CACNA2D3: variants seen among roughly 807,000 people sequenced by gnomAD.
CACNA2D3 encodes the protein calcium voltage-gated channel auxiliary subunit alpha2delta 3, also known as voltage-dependent calcium channel subunit alpha-2/delta-3.
In CACNA2D3, 60 loss-of-function variants were observed where a neutral mutation model predicts 160.6. The observed-to-expected ratio is 0.37, with a 90% CI of 0.30 to 0.46. CACNA2D3 has a LOEUF of 0.46. Among genes scored for constraint, CACNA2D3 ranks in the 20% least tolerant of loss-of-function variants. The probability of loss-of-function intolerance (pLI) is 1.00; values close to 1 mark genes in which losing one functional copy is unlikely to be tolerated. For synonymous variants in CACNA2D3, 558 were observed against 492.9 expected (o/e 1.13, Z -1.75); for missense variants, 1,205 against 1,365.0 (o/e 0.88, Z 1.85).
intron 4 of CACNA2D3, among the ~76,000 whole-genome samples, chr3:54,400,461 C>T (rs1485849168): frequency 1.3e-5 from 2 of 152,108 alleles, no homozygotes; most frequent in African/African-American, 2.4e-5. Context: ...AGGGCTGTGT[C>T]AGACCTGACA....
At chr3:54,367,368 T>A (rs1698844235) in intron 3 of CACNA2D3, among the ~76,000 whole-genome samples, 1 of 152,194 alleles carries the variant, frequency 6.6e-6, no homozygotes, top group African/African-American at 2.4e-5. Flanking sequence ...CCTCTGGCCA[T>A]CGGCACTTAA....
At chr3:54,613,573 T>G (rs1207848713) in intron 9 of CACNA2D3, among the ~76,000 whole-genome samples, 1 of 152,212 alleles carries the variant, frequency 6.6e-6, no homozygotes, top group Non-Finnish European at 1.5e-5. Context: ...TCCCATATTA[T>G]GAACCTACAG....
intron 17 of CACNA2D3, among the ~76,000 whole-genome samples, chr3:54,862,400 C>CACACACACACACACAG (rs1699311424): frequency 6.6e-6 from 1 of 151,764 alleles, no homozygotes; most frequent in African/African-American, 2.4e-5. Context: ...CACACACACA[C>CACACACACACACACAG]ACACGCACAC....
intron 2 of CACNA2D3, among the ~76,000 whole-genome samples, chr3:54,158,581 G>C (rs1257954468): frequency 6.6e-6 from 1 of 152,204 alleles, no homozygotes; most frequent in Non-Finnish European, 1.5e-5. Flanking sequence ...CTCGGGACTA[G>C]ATGGACACCC....
At chr3:54,641,061 A>G (rs894107096) in intron 10 of CACNA2D3, among the ~76,000 whole-genome samples, 3 of 151,818 alleles carry the variant, frequency 2.0e-5, no homozygotes, top group African/African-American at 7.3e-5. Context: ...AAAAAAGCCA[A>G]GCTCGATGAA....
At position 54,987,639 on chromosome 3, in the gene CACNA2D3, C is replaced by G. The variant is rs778255406; in HGVS notation, c.2620-44C>G. On this transcript the variant is annotated intron_variant, in intron 30 of 37. Transcript: ENST00000474759. ...TTTCATTTCTTCTCTCCTGTTTGGG[C>G]ACATTATTTATCTACACCTCCTCAT... The G allele has an allele frequency of 2.4e-6, 3 of 1,265,022 alleles. No individual in the cohort carries two copies. The African/African-American group carries it at 4.5e-5, about 19-fold the overall frequency. 78.4% of individuals were successfully genotyped at this position (1,265,022 alleles called of 1,614,324 possible).
chr3:54,427,069 G>T (rs542224857), intron 4 of CACNA2D3, among the ~76,000 whole-genome samples: 1 of 147,728 alleles, frequency 6.8e-6, no homozygotes, highest in Non-Finnish European at 1.5e-5. Context: ...TATGTTCTGC[G>T]TACCCTTTCT....
At chr3:55,041,045 A>G (rs971129591) in intron 35 of CACNA2D3, among the ~76,000 whole-genome samples, 1 of 152,148 alleles carries the variant, frequency 6.6e-6, no homozygotes, top group South Asian at 2.1e-4. Context: ...CTTCAGCACC[A>G]TGCCTTTCTT....
At chr3:54,800,353 C>G (rs890000123) in intron 13 of CACNA2D3, among the ~76,000 whole-genome samples, 4 of 152,222 alleles carry the variant, frequency 2.6e-5, no homozygotes, top group Admixed American at 6.5e-5. Flanking sequence ...CCATCTGGTT[C>G]TACCAGTCTG....
At chr3:54,948,900 A>C (rs558253244) in intron 27 of CACNA2D3, among the ~76,000 whole-genome samples, 227 of 152,318 alleles carry the variant, frequency 1.5e-3, no homozygotes, top group Non-Finnish European at 1.9e-3. Flanking sequence ...GAAGTTGATT[A>C]TTTGATTATT....
At chr3:54,885,251 A>G in intron 21 of CACNA2D3, 30 bp from the exon 22 acceptor site, 1 of 1,612,828 alleles carries the variant, frequency 6.2e-7, no homozygotes, top group Non-Finnish European at 8.5e-7. Context: ...AGTGATACTT[A>G]TTCATGAACC....
At chr3:54,221,716 C>T (rs975547658) in intron 2 of CACNA2D3, among the ~76,000 whole-genome samples, 7 of 151,986 alleles carry the variant, frequency 4.6e-5, no homozygotes, top group African/African-American at 1.5e-4. Flanking sequence ...GTACCTTGTC[C>T]CATATACTTT....
chr3:54,960,343 A>AC (rs1201288687), intron 27 of CACNA2D3, among the ~76,000 whole-genome samples: 4 of 151,966 alleles, frequency 2.6e-5, no homozygotes, highest in Non-Finnish European at 5.9e-5. Context: ...AAGATTACCA[A>AC]CCCCCCATAC....
intron 31 of CACNA2D3, among the ~76,000 whole-genome samples, chr3:54,997,487 A>C (rs1052130753): frequency 2.0e-5 from 3 of 152,052 alleles, no homozygotes; most frequent in Non-Finnish European, 4.4e-5. Flanking sequence ...GAAGTGCTTG[A>C]GCTCAGGAGT....
intron 11 of CACNA2D3, among the ~76,000 whole-genome samples, chr3:54,698,470 A>C (rs1341937211): frequency 1.3e-5 from 2 of 152,220 alleles, no homozygotes; most frequent in Non-Finnish European, 1.5e-5. Flanking sequence ...TTGCCTTAGG[A>C]AAACATAAGG....
intron 3 of CACNA2D3, among the ~76,000 whole-genome samples, chr3:54,357,048 G>A (rs1266445907): frequency 6.6e-6 from 1 of 152,140 alleles, no homozygotes; most frequent in Non-Finnish European, 1.5e-5. Flanking sequence ...ACCGTGAAAG[G>A]TGACCACACA....
At chr3:55,029,417 T>C (rs537233861) in intron 35 of CACNA2D3, among the ~76,000 whole-genome samples, 20 of 152,322 alleles carry the variant, frequency 1.3e-4, no homozygotes, top group Admixed American at 3.3e-4. Flanking sequence ...TAGTGCAGAA[T>C]AAATGCTTCA....
At chr3:54,143,322 A>G (rs73844317) in intron 2 of CACNA2D3, among the ~76,000 whole-genome samples, 5,666 of 152,256 alleles carry the variant, frequency 0.037, 347 homozygotes, top group African/African-American at 0.13. Context: ...GTGTTCATGT[A>G]TAAATGCTGG....
intron 35 of CACNA2D3, among the ~76,000 whole-genome samples, chr3:55,063,563 A>G (rs1449484445): frequency 1.3e-5 from 2 of 152,174 alleles, no homozygotes; most frequent in Admixed American, 6.5e-5. Context: ...TCTCAGCACT[A>G]TGAGAGAAGC....
Sources: allele counts gnomAD v4.1 joint callset (sites outside exome capture counted in the v4.1 genomes callset), GRCh38; gene constraint gnomAD v4.1.1; transcripts MANE v1.5; gene names NCBI Gene and HGNC (gene_info 2026-07-23, HGNC 2026-07-21).